Variants in MCC observed in about 807,000 individuals in gnomAD.
MCC encodes MCC regulator of Wnt signaling pathway.
A neutral mutation model predicts 116.2 loss-of-function variants in MCC; 90 were observed. The ratio of observed to expected loss-of-function variants is 0.77; its 90% CI spans 0.65 to 0.92. The LOEUF is 0.92. MCC is among the 40% of genes least tolerant of loss of function. The pLI, the probability that MCC is intolerant of heterozygous loss-of-function variation, is 0.00. For synonymous variants in MCC, 578 were observed against 510.5 expected (o/e 1.13, Z -1.78); for missense variants, 1,516 against 1,312.2 (o/e 1.16, Z -2.40).
At chr5:113,047,098 A>G (rs921946745) in intron 16 of MCC, among the ~76,000 whole-genome samples, 8 of 152,112 alleles carry the variant, frequency 5.3e-5, no homozygotes, top group Admixed American at 2.6e-4. Flanking sequence ...CTCAGCTCAG[A>G]AGTTCATTTC....
chr5:113,085,384 G>T, intron 8 of MCC, 74 bp from the exon 9 acceptor site: 2 of 1,449,868 alleles, frequency 1.4e-6, no homozygotes, highest in South Asian at 1.3e-5. Context: ...ATGGGTAGGT[G>T]GTGGGGCTTT....
intron 3 of MCC, among the ~76,000 whole-genome samples, chr5:113,224,302 A>G (rs958646760): frequency 2.0e-5 from 3 of 152,180 alleles, no homozygotes; most frequent in Non-Finnish European, 4.4e-5. Flanking sequence ...CATGTTGGCC[A>G]GACTGGTCTG....
intron 3 of MCC, among the ~76,000 whole-genome samples, chr5:113,249,171 A>G (rs2150342871): frequency 6.7e-6 from 1 of 149,820 alleles, no homozygotes; most frequent in South Asian, 2.1e-4. Context: ...TAAACAATTG[A>G]TTGGACACCA....
chr5:113,239,686 A>G (rs772289243), intron 3 of MCC, among the ~76,000 whole-genome samples: 71 of 152,286 alleles, frequency 4.7e-4, no homozygotes, highest in Non-Finnish European at 9.3e-4. Flanking sequence ...TTCATTGAGA[A>G]ATGGCTTCTG....
intron 3 of MCC, among the ~76,000 whole-genome samples, chr5:113,307,972 TC>T (rs1767030418): frequency 6.6e-6 from 1 of 151,558 alleles, no homozygotes; most frequent in Non-Finnish European, 1.5e-5. Flanking sequence ...CCTGTCTAAA[TC>T]CTTTTTTTTT....
At chr5:113,032,040 A>C (rs1403897890) in intron 17 of MCC, among the ~76,000 whole-genome samples, 4 of 152,252 alleles carry the variant, frequency 2.6e-5, no homozygotes, top group Non-Finnish European at 5.9e-5. Flanking sequence ...TGTAAACTTA[A>C]ACCTAAAATT....
At chr5:113,413,787 T>A (rs541059754) in intron 1 of MCC, among the ~76,000 whole-genome samples, 6 of 152,350 alleles carry the variant, frequency 3.9e-5, no homozygotes, top group African/African-American at 1.4e-4. Flanking sequence ...TCTGCTCTGA[T>A]CTTAGTTATT....
At chr5:113,352,901 A>G (rs541595786) in intron 2 of MCC, among the ~76,000 whole-genome samples, 1 of 152,196 alleles carries the variant, frequency 6.6e-6, no homozygotes, top group Non-Finnish European at 1.5e-5. Flanking sequence ...CTGTAAGTGA[A>G]AGAAAAATTA....
At chr5:113,099,181 C>T (rs946673635) in intron 8 of MCC, among the ~76,000 whole-genome samples, 5 of 152,130 alleles carry the variant, frequency 3.3e-5, no homozygotes, top group Non-Finnish European at 7.4e-5. Context: ...TATATAAATT[C>T]CTGAGAATAT....
intron 11 of MCC, among the ~76,000 whole-genome samples, chr5:113,080,148 A>G (rs6594678): frequency 0.11 from 17,069 of 152,200 alleles, 2,355 homozygotes; most frequent in African/African-American, 0.33. Flanking sequence ...AAAAGTCAGG[A>G]AACAACAGGT....
intron 1 of MCC, among the ~76,000 whole-genome samples, chr5:113,389,486 C>T (rs1386537608): frequency 1.3e-5 from 2 of 152,218 alleles, no homozygotes; most frequent in African/African-American, 4.8e-5. Flanking sequence ...TCCTGGCAGC[C>T]TGCTCAGCCC....
At chr5:113,253,583 G>C (rs111593560) in intron 3 of MCC, among the ~76,000 whole-genome samples, 3,125 of 152,260 alleles carry the variant, frequency 0.021, 36 homozygotes, top group Middle Eastern at 0.027. Context: ...CAGCAGATGA[G>C]CACAAGGAGG....
intron 8 of MCC, among the ~76,000 whole-genome samples, chr5:113,099,800 A>G (rs976409349): frequency 6.6e-6 from 1 of 152,248 alleles, no homozygotes; most frequent in Non-Finnish European, 1.5e-5. Flanking sequence ...TTGCTAGTCC[A>G]CCATGAAGGG....
At chr5:113,453,851 C>T (rs961961885) in intron 1 of MCC, among the ~76,000 whole-genome samples, 1 of 152,152 alleles carries the variant, frequency 6.6e-6, no homozygotes, top group African/African-American at 2.4e-5. Context: ...TGGCTCACGC[C>T]TGTAATCCCT....
intron 5 of MCC, among the ~76,000 whole-genome samples, chr5:113,131,338 A>T (rs1028506791): frequency 6.6e-6 from 1 of 152,196 alleles, no homozygotes; most frequent in Non-Finnish European, 1.5e-5. Flanking sequence ...AGTCAGGTGA[A>T]CATTTAAAAA....
At chr5:113,449,349 AGAAAAGGTG>A (rs1415996567) in intron 1 of MCC, among the ~76,000 whole-genome samples, 1 of 152,262 alleles carries the variant, frequency 6.6e-6, no homozygotes, top group African/African-American at 2.4e-5. Flanking sequence ...TATGAAAAGC[AGAAAAGGTG>A]GTTGGGGAAA....
chr5:113,259,387 C>T (rs1179082300), intron 3 of MCC, among the ~76,000 whole-genome samples: 1 of 152,056 alleles, frequency 6.6e-6, no homozygotes, highest in Non-Finnish European at 1.5e-5. Context: ...TCATTCAGCC[C>T]TAAATTCTAA....
At chr5:113,266,248 C>CAT (rs1238107566) in intron 3 of MCC, among the ~76,000 whole-genome samples, 3 of 151,910 alleles carry the variant, frequency 2.0e-5, no homozygotes, top group Admixed American at 6.6e-5. Flanking sequence ...TACACACACA[C>CAT]ACACACACAC....
chr5:113,224,086 T>TTTTAG (rs1763646528), intron 3 of MCC, among the ~76,000 whole-genome samples: 2 of 152,142 alleles, frequency 1.3e-5, no homozygotes, highest in South Asian at 2.1e-4. Flanking sequence ...TGTTATATAG[T>TTTTAG]TTTTGTTTTG....
Sources: allele counts gnomAD v4.1 joint callset (sites outside exome capture counted in the v4.1 genomes callset), GRCh38; gene constraint gnomAD v4.1.1; transcripts MANE v1.5; gene names NCBI Gene and HGNC (gene_info 2026-07-23, HGNC 2026-07-21).